Variants in F8 observed in about 807,000 individuals in gnomAD.
F8 encodes the protein antihemophilic factor.
F8 carries 12 observed loss-of-function variants against 140.6 expected under a neutral mutation model. The ratio of observed to expected loss-of-function variants is 0.09; its 90% confidence interval spans 0.05 to 0.14. The LOEUF (loss-of-function observed/expected upper bound fraction) is 0.14. F8 is among the 10% of genes least tolerant of loss of function. The pLI, the probability that F8 is intolerant of heterozygous loss-of-function variation, is 1.00. For synonymous variants in F8, 585 were observed against 614.6 expected, an observed-to-expected ratio of 0.95 and a Z score of 0.71; for missense variants, 1,354 against 1,720.7, an observed-to-expected ratio of 0.79 and a Z score of 3.77.
Position 154,911,895 on chromosome X carries a change from A to G in F8, c.5220-5322T>C, listed in dbSNP as rs942567231. Among the ~76,000 whole-genome samples the G allele has an allele frequency of 3.6e-5, 4 of 112,531 alleles. No homozygotes were observed. The Admixed American group carries it at 3.8e-4, about 11-fold the overall frequency. Reference sequence around the variant, plus strand: ...ATTTTTTGTCTTTTTGATAAAAGTCATTTAACTGGAGTGAAATATCCATTG... The same window carrying G: ...ATTTTTTGTCTTTTTGATAAAAGTCGTTTAACTGGAGTGAAATATCCATTG... On this transcript the variant is annotated intron_variant, in intron 14 of 25. Coordinates refer to ENST00000360256, the MANE Select transcript of F8 (RefSeq NM_000132.4).
At chrX:154,998,199 C>T (rs1423502091) in intron 2 of F8, among the ~76,000 whole-genome samples, 1 of 112,724 alleles carries the variant, frequency 8.9e-6, no homozygotes, top group Non-Finnish European at 1.9e-5. Flanking sequence ...AGTCTAATAC[C>T]AAATTTTTGA....
chrX:154,977,868 C>G lies in F8; in HGVS notation c.787+6819G>C, dbSNP rs1337390553. Among the ~76,000 whole-genome samples, 3 of 110,634 alleles carry G rather than the reference C, an allele frequency of 2.7e-5. 1 individual carries two copies. The highest frequency in any genetic ancestry group is 5.7e-5 in the Non-Finnish European group (3 of 52,887). Reference sequence around the variant, plus strand: ...AGGCTTTCTAACCTCTTCATTTTCTCTTTGCCTTCTGGGACACTGAAGATT... The same window carrying G: ...AGGCTTTCTAACCTCTTCATTTTCTGTTTGCCTTCTGGGACACTGAAGATT... On this transcript the variant is annotated intron_variant, in intron 6 of 25. Coordinates refer to ENST00000360256, the MANE Select transcript of F8 (RefSeq NM_000132.4).
chrX:154,978,970 G>A (rs1340990361), intron 6 of F8, among the ~76,000 whole-genome samples: 1 of 111,319 alleles, frequency 9.0e-6, no homozygotes, highest in Non-Finnish European at 1.9e-5. Context: ...GGCCCCAATG[G>A]TGGCAGCAGT....
In F8 at chrX:154,931,395, G is replaced by C. The variant is rs781879669; in HGVS notation, c.2395C>G (p.Pro799Ala). The change falls in exon 14 of 26, where the codon CCT (proline) becomes GCT (alanine). Residue 799 changes from proline (P) to alanine (A), a missense_variant. Physicochemically the swap from Pro to Ala is conservative, Grantham distance 27. Transcript: ENST00000360256. ...CTAGAGGAGACATTTTGTATTTTAG[G>C]CATAGGTGTTCTGTGTGCAAACCAA... is the stretch of plus-strand genomic sequence containing the variant. Reference protein sequence around the residue: ...DPWFAHRTPMPKIQNVSSSDL... With the variant: ...DPWFAHRTPMAKIQNVSSSDL... The C allele has an allele frequency of 2.5e-6, 3 of 1,209,210 alleles. No individual in the cohort carries two copies. The highest frequency in any genetic ancestry group is 3.4e-6 in the Non-Finnish European group (3 of 894,364).
Position 154,929,449 on chromosome X carries a change from G to T in F8, c.4341C>A (p.Val1447=), listed in dbSNP as rs781788646. The part of the protein sequence containing the change: ...AASYRKKDSG[V]QESSHFLQGA... ...CTTGTAAGAAATGACTGCTTTCTTG[G>T]ACCCCAGAATCTTTCTTTCTATAAG... The change falls in exon 14 of 26, where the codon GTC becomes GTA. Residue 1447 remains valine, a synonymous_variant. Transcript: ENST00000360256. 6.6e-6 allele frequency: 8 copies of T among 1,209,652 alleles called. No individual in the cohort carries two copies. Among genetic ancestry groups the T allele is most frequent in the Non-Finnish European group, 8.9e-6 (8 of 895,075 alleles).
intron 10 of F8, among the ~76,000 whole-genome samples, chrX:154,958,654 C>G (rs1007912702): frequency 8.9e-6 from 1 of 111,980 alleles, no homozygotes; most frequent in African/African-American, 3.2e-5. Flanking sequence ...TGCTCTGTTG[C>G]CCAGGCTGGA....
chrX:154,952,954 C>G (rs2073345336), intron 12 of F8, among the ~76,000 whole-genome samples: 1 of 111,957 alleles, frequency 8.9e-6, no homozygotes, highest in Non-Finnish European at 1.9e-5. Flanking sequence ...TTTGAAAAGA[C>G]TATACTACTT....
At chrX:154,979,711 T>C (rs1323601412) in intron 6 of F8, among the ~76,000 whole-genome samples, 1 of 111,823 alleles carries the variant, frequency 8.9e-6, no homozygotes, top group Non-Finnish European at 1.9e-5. Flanking sequence ...TGGGCACTCC[T>C]CTGCTGGGTG....
chrX:154,935,162 C>A (rs1468652447), intron 13 of F8, among the ~76,000 whole-genome samples: 1 of 109,240 alleles, frequency 9.2e-6, no homozygotes, highest in African/African-American at 3.3e-5. Context: ...CCCTGTCTCA[C>A]AAAAAGAGAA....
intron 25 of F8, among the ~76,000 whole-genome samples, chrX:154,845,993 T>C (rs1388803026): frequency 8.9e-6 from 1 of 112,399 alleles, no homozygotes; most frequent in Non-Finnish European, 1.9e-5. Context: ...GTATATTGTG[T>C]CTTTGTTCTC....
intron 6 of F8, among the ~76,000 whole-genome samples, chrX:154,983,577 G>A (rs2073541633): frequency 8.9e-6 from 1 of 111,782 alleles, no homozygotes; most frequent in Admixed American, 9.5e-5. Flanking sequence ...ATTAACGGTA[G>A]TAGCCATCTC....
intron 14 of F8, among the ~76,000 whole-genome samples, chrX:154,915,091 A>G (rs1228844965): frequency 1.8e-5 from 2 of 111,907 alleles, no homozygotes; most frequent in Non-Finnish European, 3.8e-5. Context: ...TCTTCTTCAC[A>G]AGGTGGCAGT....
rs782727629 is a variant in F8 at position 154,849,461 on chromosome X, C to CTTTTTTT, written c.6900+10964_6900+10970dup. ...ATAAAATGCACACAATTTACTTTTG[C>CTTTTTTT]TTTTTTTTTTTTTTTTTAAAGAGAC... is the stretch of plus-strand genomic sequence containing the variant. On this transcript the variant is annotated intron_variant, in intron 25 of 25. Coordinates refer to ENST00000360256, the MANE Select transcript of F8 (RefSeq NM_000132.4). Among the ~76,000 whole-genome samples the CTTTTTTT allele has an allele frequency of 5.8e-5, 5 of 86,619 alleles. 2 individuals are homozygous for CTTTTTTT. Among genetic ancestry groups the CTTTTTTT allele is most frequent in the Non-Finnish European group, 1.1e-4 (5 of 45,648 alleles). The allele number at this position is 86,619 out of a possible 115,157, so 75.2% of individuals were successfully genotyped here. A position where few individuals can be genotyped will look rare whatever the true frequency, so the allele number is the denominator to read the frequency against.
intron 1 of F8, among the ~76,000 whole-genome samples, chrX:155,008,192 T>C (rs2073686097): frequency 1.8e-5 from 2 of 111,256 alleles, no homozygotes; most frequent in Admixed American, 1.9e-4. Flanking sequence ...CAAGGTGCTG[T>C]ATATGTATGA....
chrX:154,947,946 C>A, intron 12 of F8, 39 bp from the exon 13 acceptor site: 1 of 1,036,431 alleles, frequency 9.6e-7, no homozygotes, highest in Non-Finnish European at 1.4e-6. Flanking sequence ...AGACACATCA[C>A]AGATTTAGTA....
intron 22 of F8, among the ~76,000 whole-genome samples, chrX:154,866,107 T>C (rs1481200322): frequency 9.0e-6 from 1 of 111,519 alleles, no homozygotes; most frequent in East Asian, 2.8e-4. Flanking sequence ...GCTATACTTG[T>C]ATGAGAAAAA....
intron 22 of F8, among the ~76,000 whole-genome samples, chrX:154,874,998 T>C (rs1352103234): frequency 8.9e-6 from 1 of 112,087 alleles, no homozygotes; most frequent in Non-Finnish European, 1.9e-5. Context: ...TATATATATA[T>C]CTGATGGAAT....
intron 1 of F8, among the ~76,000 whole-genome samples, chrX:155,004,785 A>G (rs2124155234): frequency 1.8e-5 from 2 of 111,967 alleles, no homozygotes; most frequent in East Asian, 5.6e-4. Context: ...ATACATGACC[A>G]TGGAATCCAC....
intron 5 of F8, among the ~76,000 whole-genome samples, chrX:154,985,110 T>C (rs1194360195): frequency 8.9e-6 from 1 of 112,225 alleles, no homozygotes; most frequent in Non-Finnish European, 1.9e-5. Context: ...ATTCTTTTTA[T>C]TAGCTGAATT....
Sources: allele counts gnomAD v4.1 joint callset (sites outside exome capture counted in the v4.1 genomes callset), GRCh38; gene constraint gnomAD v4.1.1; transcripts MANE v1.5; gene names NCBI Gene and HGNC (gene_info 2026-07-23, HGNC 2026-07-21).